The following FBXO11 variants were observed in gnomAD, a reference collection of about 807,000 sequenced individuals.
FBXO11 encodes F-box protein 11, also known as F-box only protein 11.
FBXO11 carries 13 observed loss-of-function variants against 117.0 expected under a neutral mutation model. That is an observed-to-expected ratio of 0.11 (90% confidence interval 0.07 to 0.18). The LOEUF (loss-of-function observed/expected upper bound fraction) is 0.18, where lower values mean the gene tolerates loss of function less well. Among genes scored for constraint, FBXO11 ranks in the 10% least tolerant of loss-of-function variants. The pLI is 1.00. For synonymous variants in FBXO11, 490 were observed against 380.5 expected (o/e 1.29, Z -3.35); for missense variants, 767 against 1,164.4 (o/e 0.66, Z 4.97).
chr2:47,869,354 A>C (rs117816602), intron 1 of FBXO11, among the ~76,000 whole-genome samples: 1 of 152,344 alleles, frequency 6.6e-6, no homozygotes, highest in East Asian at 1.9e-4. Context: ...CTTTGAATCA[A>C]CTGGCAAAGA....
At chr2:47,890,866 G>A (rs768694024) in intron 1 of FBXO11, among the ~76,000 whole-genome samples, 7 of 152,078 alleles carry the variant, frequency 4.6e-5, no homozygotes, top group Non-Finnish European at 7.4e-5. Context: ...TGCTCACGCT[G>A]GAATGCAGTG....
At position 47,820,470 on chromosome 2, in the gene FBXO11, A is replaced by G. The variant is rs1197714818; in HGVS notation, c.1703-14T>C. ...CTAATGCATTGCCTATTTAAAAATA[A>G]AAGTTACAAGGTCAACATTTGTGAG... On this transcript the variant is annotated splice_polypyrimidine_tract_variant and intron_variant, in intron 13 of 22. Coordinates refer to ENST00000403359, the MANE Select transcript of FBXO11 (RefSeq NM_001190274.2). The G allele has an allele frequency of 6.3e-7, 1 of 1,597,734 alleles. No individual in the cohort carries two copies. The highest frequency in any genetic ancestry group is 1.3e-5 in the African/African-American group (1 of 74,632).
intron 1 of FBXO11, among the ~76,000 whole-genome samples, chr2:47,865,273 A>G (rs1675110944): frequency 6.6e-6 from 1 of 152,176 alleles, no homozygotes; most frequent in African/African-American, 2.4e-5. Flanking sequence ...TAAAGCTCAC[A>G]TTTCTCAGCT....
In FBXO11 at chr2:47,839,446, C is replaced by T. The variant is rs776611123; in HGVS notation, c.415G>A (p.Val139Met). 1 of 1,613,978 alleles carries T rather than the reference C, an allele frequency of 6.2e-7. No individual in the cohort carries two copies. Among genetic ancestry groups the T allele is most frequent in the South Asian group, 1.1e-5 (1 of 90,968 alleles). The change falls in exon 3 of 23, where the codon GTG (valine) becomes ATG (methionine). Residue 139 changes from valine (V) to methionine (M), a missense_variant. Physicochemically the swap from Val to Met is conservative, Grantham distance 21. This residue lies in a region of FBXO11 where 355 missense variants were observed against 299.8 expected (regional missense o/e 1.18). Transcript: ENST00000403359. Reference protein sequence around the residue: ...NFGHRAKRARVSGKSQDLSAA... With the variant: ...NFGHRAKRARMSGKSQDLSAA... The stretch of plus-strand genomic sequence containing the variant: ...GATAGATCTTGTGATTTTCCAGACA[C>T]TCTTGCACGTTTTGCACGATGACCA...
intron 1 of FBXO11, among the ~76,000 whole-genome samples, chr2:47,846,475 T>A (rs559763453): frequency 2.8e-4 from 43 of 151,792 alleles, no homozygotes; most frequent in Admixed American, 7.9e-4. Context: ...CAAAAAAAAA[T>A]TTTTTTTTAA....
At chr2:47,835,809 C>G in intron 5 of FBXO11, 63 bp downstream of exon 5, 1 of 1,357,048 alleles carries the variant, frequency 7.4e-7, no homozygotes, top group Non-Finnish European at 1.0e-6. Flanking sequence ...AAACTTATTT[C>G]TTAAAAGAAA....
chr2:47,887,753 T>C (rs1134355), intron 1 of FBXO11, among the ~76,000 whole-genome samples: 3 of 152,022 alleles, frequency 2.0e-5, no homozygotes, highest in Non-Finnish European at 4.4e-5. Flanking sequence ...CCCAGCTACT[T>C]GGGGGACTGA....
intron 1 of FBXO11, among the ~76,000 whole-genome samples, chr2:47,887,075 T>C (rs777194457): frequency 4.6e-5 from 7 of 151,400 alleles, no homozygotes; most frequent in Non-Finnish European, 1.0e-4. Flanking sequence ...CATCCGAGAT[T>C]GGGAGTTCAA....
chr2:47,819,569 T>G (rs1671237783), intron 14 of FBXO11, among the ~76,000 whole-genome samples: 1 of 152,230 alleles, frequency 6.6e-6, no homozygotes. Flanking sequence ...AATTTTATAC[T>G]GTTCTTTAAG....
Position 47,832,752 on chromosome 2 carries a change from A to G in FBXO11, c.1153+17T>C. On this transcript the variant is annotated intron_variant, in intron 9 of 22. Coordinates refer to ENST00000403359, the MANE Select transcript of FBXO11 (RefSeq NM_001190274.2). ...GTGACTCAAAATTTTATTGTAAAAT[A>G]TAAAGAAAACACTAACCTGTACATG... 6.2e-7 allele frequency: 1 copy of G among 1,609,040 alleles called. No homozygotes were observed.
intron 1 of FBXO11, among the ~76,000 whole-genome samples, chr2:47,893,356 AT>A (rs1677407009): frequency 8.9e-6 from 1 of 111,794 alleles, no homozygotes; most frequent in Non-Finnish European, 2.2e-5. Flanking sequence ...GTATGTGCAT[AT>A]ATATATATAT....
intron 1 of FBXO11, among the ~76,000 whole-genome samples, chr2:47,872,477 C>T (rs887572987): frequency 2.2e-4 from 33 of 152,150 alleles, no homozygotes; most frequent in Non-Finnish European, 7.4e-5. Context: ...GAGTGCGCCA[C>T]CATGCCTGCC....
intron 4 of FBXO11, among the ~76,000 whole-genome samples, chr2:47,837,421 G>A (rs1175053347): frequency 6.6e-6 from 1 of 152,174 alleles, no homozygotes; most frequent in Non-Finnish European, 1.5e-5. Flanking sequence ...CAGCTACTCA[G>A]GAGGCTGAGG....
chr2:47,820,124 T>C (rs763889040), intron 14 of FBXO11, among the ~76,000 whole-genome samples: 2 of 152,332 alleles, frequency 1.3e-5, no homozygotes, highest in Admixed American at 6.5e-5. Flanking sequence ...GTTTCTCTTA[T>C]GGCTAAATTT....
Position 47,905,402 on chromosome 2 carries a change from C to CCCCGCCCG in FBXO11, c.232+79_232+86dup, listed in dbSNP as rs545418712. 19 of 1,095,252 alleles carry CCCCGCCCG rather than the reference C, an allele frequency of 1.7e-5. No individual in the cohort carries two copies. The East Asian group carries it at 1.9e-4, about 11-fold the overall frequency. 67.8% of individuals were successfully genotyped at this position (1,095,252 alleles called of 1,614,324 possible). On this transcript the variant is annotated intron_variant, in intron 1 of 22. Transcript: ENST00000403359. ...CCCACCCCCAGGGCGCGCAGGCCGC[C>CCCCGCCCG]CCCGCCCGCCCGCCCGCCCGCCCGC...
At chr2:47,833,856 TG>T (rs950828078) in intron 7 of FBXO11, among the ~76,000 whole-genome samples, 3 of 151,852 alleles carry the variant, frequency 2.0e-5, no homozygotes, top group African/African-American at 7.3e-5. Context: ...TTAGTAAAGA[TG>T]GGGTTTCACC....
At chr2:47,842,387 G>T (rs1673082933) in intron 1 of FBXO11, among the ~76,000 whole-genome samples, 1 of 152,178 alleles carries the variant, frequency 6.6e-6, no homozygotes, top group Non-Finnish European at 1.5e-5. Context: ...TTCTTGCCTT[G>T]TTGGTATTAC....
chr2:47,904,692 C>A (rs911398138), intron 1 of FBXO11, among the ~76,000 whole-genome samples: 1 of 151,496 alleles, frequency 6.6e-6, no homozygotes, highest in East Asian at 1.9e-4. Context: ...AGTAGCACCG[C>A]GGCATGGGGG....
intron 1 of FBXO11, among the ~76,000 whole-genome samples, chr2:47,861,807 A>C (rs889842088): frequency 3.9e-5 from 6 of 152,240 alleles, no homozygotes; most frequent in Non-Finnish European, 8.8e-5. Context: ...CTAGGTCCTT[A>C]AGGAGAACTA....
Sources: allele counts gnomAD v4.1 joint callset (sites outside exome capture counted in the v4.1 genomes callset), GRCh38; gene constraint gnomAD v4.1.1; regional missense constraint gnomAD v4.1.1; transcripts MANE v1.5; gene names NCBI Gene and HGNC (gene_info 2026-07-23, HGNC 2026-07-21).